The following TESC variants were observed in gnomAD, a reference collection of about 807,000 sequenced individuals.
The protein encoded by TESC is tescalcin.
TESC carries 19 observed loss-of-function variants against 31.0 expected under a neutral mutation model. The observed-to-expected ratio is 0.61, with a 90% CI of 0.43 to 0.90. The LOEUF is 0.90. TESC is among the 40% of genes least tolerant of loss of function. TESC has a pLI of 0.00. For missense variants in TESC, 248 were observed against 303.8 expected (o/e 0.82, Z 1.36); for synonymous variants, 109 against 114.8 (o/e 0.95, Z 0.32).
chr12:117,056,839 C>T lies in TESC; in HGVS notation c.176G>A (p.Arg59Gln). The change falls in exon 3 of 8, where the codon CGA becomes CAA. Residue 59 changes from arginine to glutamine, a missense_variant. Coordinates refer to ENST00000335209, the MANE Select transcript of TESC (RefSeq NM_017899.4). ...GAAGAAGGCACGAACAATTTTGGAT[C>T]GGATGGGGTTGAGCTCCAGGTCCGG... ...NVPDLELNPI[R>Q]SKIVRAFFDN... is the part of the protein sequence containing the mutation. 1 of 1,614,104 alleles carries T rather than the reference C, an allele frequency of 6.2e-7. No individual in the cohort carries two copies. Among genetic ancestry groups the T allele is most frequent in the Non-Finnish European group, 8.5e-7 (1 of 1,180,010 alleles).
At chr12:117,075,913 A>ATGTGTGTATATATATATATATG (rs1955062104) in intron 1 of TESC, among the ~76,000 whole-genome samples, 6 of 51,964 alleles carry the variant, frequency 1.2e-4, no homozygotes, top group African/African-American at 6.2e-4. Flanking sequence ...ATATATATAT[A>ATGTGTGTATATATATATATATG]TGTGTGTGTG....
intron 6 of TESC, among the ~76,000 whole-genome samples, chr12:117,044,979 G>C (rs1954536703): frequency 6.6e-6 from 1 of 151,988 alleles, no homozygotes; most frequent in Admixed American, 6.5e-5. Flanking sequence ...GTGGGGACCA[G>C]GGATTGTTTG....
intron 4 of TESC, among the ~76,000 whole-genome samples, chr12:117,048,202 C>T (rs189860831): frequency 2.0e-5 from 3 of 152,232 alleles, no homozygotes; most frequent in African/African-American, 4.8e-5. Flanking sequence ...CCCACGGCCA[C>T]ACCACTAAGG....
chr12:117,054,824 C>T (rs1030702982), intron 3 of TESC, among the ~76,000 whole-genome samples: 1 of 152,196 alleles, frequency 6.6e-6, no homozygotes, highest in South Asian at 2.1e-4. Context: ...GGCCATCCTC[C>T]GTTTCCCAGC....
chr12:117,069,044 G>A (rs1260810093), intron 2 of TESC, among the ~76,000 whole-genome samples: 1 of 151,836 alleles, frequency 6.6e-6, no homozygotes, highest in East Asian at 2.0e-4. Context: ...TACAGGGGAA[G>A]AGCCCCCCGA....
chr12:117,099,175 C>A (rs1422088472), intron 1 of TESC, 50 bp downstream of exon 1: 11 of 1,464,956 alleles, frequency 7.5e-6, no homozygotes, highest in Non-Finnish European at 9.9e-6. Context: ...CAACAGTGGC[C>A]GTTCGGAGGT....
At chr12:117,057,824 G>A (rs1432136622) in intron 2 of TESC, among the ~76,000 whole-genome samples, 1 of 152,128 alleles carries the variant, frequency 6.6e-6, no homozygotes, top group Non-Finnish European at 1.5e-5. Flanking sequence ...GGAGTGCAGT[G>A]GTGCAATCCT....
At chr12:117,040,904 C>T (rs1356103284) in intron 7 of TESC, among the ~76,000 whole-genome samples, 1 of 152,214 alleles carries the variant, frequency 6.6e-6, no homozygotes, top group Non-Finnish European at 1.5e-5. Context: ...AAGCCGTGAT[C>T]CTTCCTTCCC....
intron 2 of TESC, among the ~76,000 whole-genome samples, chr12:117,073,758 G>C (rs187823968): frequency 2.6e-5 from 4 of 152,072 alleles, no homozygotes; most frequent in African/African-American, 4.8e-5. Context: ...TCTGTGTGAC[G>C]ATCAAGTCAC....
At chr12:117,088,723 C>T (rs1466549893) in intron 1 of TESC, among the ~76,000 whole-genome samples, 1 of 151,484 alleles carries the variant, frequency 6.6e-6, no homozygotes, top group African/African-American at 2.4e-5. Flanking sequence ...CAGTAGGACA[C>T]TTAGATCAGG....
chr12:117,076,711 T>C (rs1955079216), intron 1 of TESC, among the ~76,000 whole-genome samples: 1 of 152,206 alleles, frequency 6.6e-6, no homozygotes, highest in African/African-American at 2.4e-5. Context: ...CCCAAAGTGC[T>C]GGGATTACAG....
intron 2 of TESC, among the ~76,000 whole-genome samples, chr12:117,057,941 C>T (rs1307626852): frequency 3.9e-5 from 6 of 152,074 alleles, no homozygotes; most frequent in Admixed American, 3.9e-4. Context: ...TAAGTGAGCC[C>T]GGGCGCCGTA....
chr12:117,090,008 T>C (rs1357278308), intron 1 of TESC, among the ~76,000 whole-genome samples: 1 of 151,770 alleles, frequency 6.6e-6, no homozygotes, highest in Non-Finnish European at 1.5e-5. Context: ...GACTAACAGC[T>C]GATTTCTCAA....
At chr12:117,049,264 C>T in intron 3 of TESC, 106 bp from the exon 4 acceptor site, 9 of 1,493,590 alleles carry the variant, frequency 6.0e-6, no homozygotes, top group Non-Finnish European at 8.2e-6. Flanking sequence ...CACACTGGAC[C>T]CACGATGGCT....
At chr12:117,070,558 A>C (rs757132703) in intron 2 of TESC, among the ~76,000 whole-genome samples, 9 of 152,160 alleles carry the variant, frequency 5.9e-5, no homozygotes, top group Non-Finnish European at 1.3e-4. Context: ...AGGAAGACTG[A>C]GGTCCTTAGA....
At position 117,087,626 on chromosome 12, in the gene TESC, C is replaced by T. The variant is rs1207356848; in HGVS notation, c.58+11599G>A. On this transcript the variant is annotated intron_variant, in intron 1 of 7. Coordinates refer to ENST00000335209, the MANE Select transcript of TESC (RefSeq NM_017899.4). The stretch of plus-strand genomic sequence containing the variant: ...ACAGTCTGTTTCGCTCATCTATGTT[C>T]CCTTCCTACAGCTATGCTCTGTTCT... Among the ~76,000 whole-genome samples, 4 of 152,218 alleles carry T rather than the reference C, an allele frequency of 2.6e-5. No homozygotes were observed. In the South Asian group the frequency reaches 8.3e-4, roughly 31 times the overall value.
chr12:117,062,739 T>C (rs780750313), intron 2 of TESC, among the ~76,000 whole-genome samples: 2 of 152,242 alleles, frequency 1.3e-5, no homozygotes, highest in Non-Finnish European at 2.9e-5. Context: ...ATCAGTTTCA[T>C]GCTCCATCAA....
chr12:117,098,892 TGCCTGAGGGACTTGCCCGCCCG>T (rs1955432629), intron 1 of TESC, among the ~76,000 whole-genome samples: 2 of 150,930 alleles, frequency 1.3e-5, no homozygotes, highest in Non-Finnish European at 3.0e-5. Context: ...CCAGCGGGGG[TGCCTGAGGGACTTGCCCGCCCG>T]GCCTGAGGCA....
chr12:117,093,347 T>C (rs1955341417), intron 1 of TESC, among the ~76,000 whole-genome samples: 2 of 152,260 alleles, frequency 1.3e-5, no homozygotes, highest in South Asian at 4.1e-4. Context: ...CCAGCCACGC[T>C]TGGCTACGCC....
Sources: allele counts gnomAD v4.1 joint callset (sites outside exome capture counted in the v4.1 genomes callset), GRCh38; gene constraint gnomAD v4.1.1; transcripts MANE v1.5; gene names NCBI Gene and HGNC (gene_info 2026-07-23, HGNC 2026-07-21).